Variants in URB1 observed in about 807,000 individuals in gnomAD.
URB1 encodes the protein nucleolar pre-ribosomal-associated protein 1.
A neutral mutation model predicts 242.3 loss-of-function variants in URB1; 197 were observed. The observed-to-expected ratio is 0.81, with a 90% CI of 0.72 to 0.91. URB1 has a LOEUF of 0.91. URB1 is among the 40% of genes least tolerant of loss of function. The probability of loss-of-function intolerance (pLI) is 0.00; values close to 1 mark genes in which losing one functional copy is unlikely to be tolerated. For missense variants in URB1, 2,721 were observed against 2,860.5 expected (o/e 0.95, Z 1.11); for synonymous variants, 1,153 against 1,201.8 (o/e 0.96, Z 0.84).
intron 7 of URB1, among the ~76,000 whole-genome samples, chr21:32,373,361 C>T (rs2033425848): frequency 6.6e-6 from 1 of 152,006 alleles, no homozygotes; most frequent in African/African-American, 2.4e-5. Context: ...GATGACCCTG[C>T]AGGTCTAACA....
In URB1 at chr21:32,347,794, A is replaced by G. The variant is rs1317980988; in HGVS notation, c.3030T>C (p.Leu1010=). 1.3e-6 allele frequency: 2 copies of G among 1,545,398 alleles called. No homozygotes were observed. Among genetic ancestry groups the G allele is most frequent in the Non-Finnish European group, 8.7e-7 (1 of 1,146,292 alleles). ...LANDQTLEEV[L]VAILRHPTLE... ...GGGTGGGGTGCCTGAGGATGGCCAC[A>G]AGCACCTCCTCCAGCGTCTGAAAGG... is the stretch of plus-strand genomic sequence containing the variant. The change falls in exon 22 of 39, where the codon CTT becomes CTC. Residue 1010 remains leucine, a synonymous_variant. Transcript: ENST00000382751.
intron 8 of URB1, among the ~76,000 whole-genome samples, chr21:32,370,652 T>C (rs1385612088): frequency 6.6e-6 from 1 of 152,188 alleles, no homozygotes; most frequent in East Asian, 1.9e-4. Context: ...AGAGCTAAGT[T>C]GGGATTGAAG....
At chr21:32,373,134 C>T (rs568254138) in intron 7 of URB1, among the ~76,000 whole-genome samples, 12 of 152,066 alleles carry the variant, frequency 7.9e-5, no homozygotes, top group African/African-American at 2.2e-4. Flanking sequence ...GGCATTGGGT[C>T]GATGTTAAGA....
chr21:32,319,154 G>A (rs1163316887), intron 36 of URB1, 63 bp downstream of exon 36: 4 of 1,471,522 alleles, frequency 2.7e-6, no homozygotes, highest in African/African-American at 1.4e-5. Flanking sequence ...GGTGTCCACA[G>A]GTGGCAGACC....
intron 1 of URB1, among the ~76,000 whole-genome samples, chr21:32,386,409 T>A (rs545525564): frequency 6.6e-6 from 1 of 152,202 alleles, no homozygotes; most frequent in East Asian, 1.9e-4. Context: ...GATGTGACTA[T>A]GCCAATGCCT....
intron 24 of URB1, 142 bp downstream of exon 24, chr21:32,344,428 A>C: frequency 1.2e-6 from 1 of 859,734 alleles, no homozygotes; most frequent in Admixed American, 3.0e-5. Flanking sequence ...AGTATCTGCC[A>C]CTCTGCCCCA....
chr21:32,316,392 A>G, intron 38 of URB1, 74 bp downstream of exon 38: 1 of 1,449,356 alleles, frequency 6.9e-7, no homozygotes, highest in Non-Finnish European at 9.1e-7. Flanking sequence ...TGTTCTAAGC[A>G]CAGAAATCAC....
In URB1 at chr21:32,347,135, G is replaced by A. The variant is rs1211542474; in HGVS notation, c.3689C>T (p.Ala1230Val). The A allele has an allele frequency of 6.5e-7, 1 of 1,549,026 alleles. No individual in the cohort carries two copies. The highest frequency in any genetic ancestry group is 1.4e-5 in the African/African-American group (1 of 73,150). Residue 1230 changes from alanine (A) to valine (V), a missense_variant, in exon 22 of 39, where the codon GCC becomes GTC. Ala to Val is a moderately conservative substitution (Grantham distance 64, BLOSUM62 0). Coordinates refer to ENST00000382751, the MANE Select transcript of URB1 (RefSeq NM_014825.3). ...GAGGAGCAGGGCAGCGATGCTGAGG[G>A]CCGCCTGTGTGCGCCGGGCCAGGCA... ...DYCLARRTQA[A>V]LSIAALLLQE...
chr21:32,354,202 A>G, intron 17 of URB1, 99 bp from the exon 18 acceptor site: 1 of 1,378,236 alleles, frequency 7.3e-7, no homozygotes, highest in South Asian at 1.4e-5. Context: ...GTGCAAAAAG[A>G]AAAAAGCCAA....
At chr21:32,388,299 C>G (rs968735601) in intron 1 of URB1, among the ~76,000 whole-genome samples, 7 of 152,160 alleles carry the variant, frequency 4.6e-5, no homozygotes, top group African/African-American at 1.7e-4. Context: ...CGTAAAAAGG[C>G]TAATTTACAC....
Position 32,385,658 on chromosome 21 carries a change from T to C in URB1, c.169A>G (p.Lys57Glu). 2 of 1,551,680 alleles carry C rather than the reference T, an allele frequency of 1.3e-6. No homozygotes were observed. Among genetic ancestry groups the C allele is most frequent in the Non-Finnish European group, 1.7e-6 (2 of 1,146,986 alleles). Reference protein sequence around the residue: ...PGLEAFVSAAKKLPREDVYDV... With the variant: ...PGLEAFVSAAEKLPREDVYDV... ...TACACATCTTCTCGTGGTAGCTTCT[T>C]GGCAGCAGACACAAACGCTTCCAAG... The change falls in exon 2 of 39, where the codon AAG (lysine) becomes GAG (glutamate). Residue 57 changes from lysine to glutamate, a missense_variant. Coordinates refer to ENST00000382751, the MANE Select transcript of URB1 (RefSeq NM_014825.3).
chr21:32,355,612 T>C (rs1001562524), intron 15 of URB1, 47 bp from the exon 16 acceptor site: 1 of 1,435,450 alleles, frequency 7.0e-7, no homozygotes, highest in African/African-American at 1.4e-5. Context: ...AGAACGCGCT[T>C]TCTTTCTTTT....
chr21:32,319,207 C>A lies in URB1; in HGVS notation c.5792+10G>T. On this transcript the variant is annotated intron_variant, in intron 36 of 38. Transcript: ENST00000382751. ...GCCAGAAGGGCCCCCCTGGCGGGGG[C>A]AGGACTCACCTCAGGTGCTTCATGA... 1 of 1,544,648 alleles carries A rather than the reference C, an allele frequency of 6.5e-7. No individual in the cohort carries two copies.
Position 32,347,784 on chromosome 21 carries a change from G to A in URB1, c.3040C>T (p.Leu1014Phe). ...CAGCCCTCCAGGGTGGGGTGCCTGAGGATGGCCACAAGCACCTCCTCCAGC... is the reference window on the plus strand; with the variant it reads ...CAGCCCTCCAGGGTGGGGTGCCTGAAGATGGCCACAAGCACCTCCTCCAGC... ...QTLEEVLVAILRHPTLEGWFL... is the reference protein window; with the variant it reads ...QTLEEVLVAIFRHPTLEGWFL... Residue 1014 changes from leucine to phenylalanine, a missense_variant, in exon 22 of 39, where the codon CTC becomes TTC. Transcript: ENST00000382751. The A allele has an allele frequency of 2.1e-5, 33 of 1,546,728 alleles. No homozygotes were observed. Among genetic ancestry groups the A allele is most frequent in the Non-Finnish European group, 2.9e-5 (33 of 1,146,616 alleles).
chr21:32,379,932 T>C (rs1299033834), intron 4 of URB1, among the ~76,000 whole-genome samples: 3 of 150,560 alleles, frequency 2.0e-5, no homozygotes, highest in Admixed American at 6.7e-5. Context: ...TGAGCAGAGA[T>C]CACGCCACTG....
intron 11 of URB1, among the ~76,000 whole-genome samples, chr21:32,362,562 C>T (rs1015271836): frequency 6.6e-6 from 1 of 152,156 alleles, no homozygotes; most frequent in Non-Finnish European, 1.5e-5. Flanking sequence ...GGTGAACAGG[C>T]AAGTGCTGAT....
intron 5 of URB1, 23 bp downstream of exon 5, chr21:32,378,422 A>G (rs1419350598): frequency 6.5e-7 from 1 of 1,543,668 alleles, no homozygotes. Flanking sequence ...GGGCTTTCCT[A>G]ACGGACAAGG....
chr21:32,316,390 G>A (rs2123537457), intron 38 of URB1, 76 bp downstream of exon 38: 1 of 1,448,546 alleles, frequency 6.9e-7, no homozygotes, highest in South Asian at 1.5e-5. Flanking sequence ...AGTGTTCTAA[G>A]CACAGAAATC....
chr21:32,351,661 C>A (rs754085574), intron 19 of URB1, among the ~76,000 whole-genome samples: 3 of 152,176 alleles, frequency 2.0e-5, no homozygotes, highest in Non-Finnish European at 4.4e-5. Flanking sequence ...TGAAAAGGCC[C>A]TCTGGGGAAT....
Sources: gnomAD v4.1 joint callset for allele counts (sites outside exome capture counted in the v4.1 genomes callset) on GRCh38, gnomAD v4.1.1 for gene constraint, MANE v1.5 for transcripts, NCBI Gene and HGNC (gene_info 2026-07-23, HGNC 2026-07-21) for gene names.